The following FAM53B variants were observed in gnomAD, a reference collection of about 807,000 sequenced individuals.
The protein encoded by FAM53B is protein FAM53B.
Under a neutral mutation model 32.7 loss-of-function variants are expected in FAM53B, and 12 were observed. The ratio of observed to expected loss-of-function variants is 0.37; its 90% CI spans 0.24 to 0.59. The LOEUF is 0.59. FAM53B is among the 20% of genes least tolerant of loss of function. The probability of loss-of-function intolerance (pLI) is 0.72; values close to 1 mark genes in which losing one functional copy is unlikely to be tolerated. For missense variants in FAM53B, 477 were observed against 577.7 expected, an observed-to-expected ratio of 0.83 and a Z score of 1.79; for synonymous variants, 234 against 228.7, an observed-to-expected ratio of 1.02 and a Z score of -0.21.
At chr10:124,710,626 C>T (rs1443405136) in intron 1 of FAM53B, among the ~76,000 whole-genome samples, 1 of 152,204 alleles carries the variant, frequency 6.6e-6, no homozygotes, top group Non-Finnish European at 1.5e-5. Context: ...CCACAGGGCG[C>T]GAGGTGGAAG....
At chr10:124,741,397 C>CA (rs1489845325) in intron 1 of FAM53B, among the ~76,000 whole-genome samples, 1 of 152,344 alleles carries the variant, frequency 6.6e-6, no homozygotes, top group Non-Finnish European at 1.5e-5. Context: ...GCCCAGAACT[C>CA]AGTCTTCAGG....
At chr10:124,710,903 C>G (rs564961296) in intron 1 of FAM53B, among the ~76,000 whole-genome samples, 1 of 152,186 alleles carries the variant, frequency 6.6e-6, no homozygotes, top group African/African-American at 2.4e-5. Flanking sequence ...CATGCCTCAC[C>G]TCTCCATCCC....
intron 4 of FAM53B, among the ~76,000 whole-genome samples, chr10:124,670,283 C>T (rs187510863): frequency 4.1e-4 from 62 of 152,270 alleles, no homozygotes; most frequent in Admixed American, 1.2e-3. Flanking sequence ...GCCTTCTTGC[C>T]GTGACCTCCT....
rs1414341366 is a variant in FAM53B, at chr10:124,651,024, G to A, written c.907-27420C>T. ...GAATTAGCCACGCCAGACACTGGGA[G>A]CCCCCCAATCTCCCTTCAGAGGCCA... On this transcript the variant is annotated intron_variant, in intron 4 of 4. Coordinates refer to ENST00000337318, the MANE Select transcript of FAM53B (RefSeq NM_014661.4). The surrounding 1 kb of genome is among the most constrained non-coding windows in gnomAD (Gnocchi z 5.2). Among the ~76,000 whole-genome samples the A allele has an allele frequency of 6.6e-6, 1 of 151,800 alleles. No homozygotes were observed. The highest frequency in any genetic ancestry group is 1.5e-5 in the Non-Finnish European group (1 of 67,974).
chr10:124,699,507 T>C (rs1949899488), intron 2 of FAM53B, among the ~76,000 whole-genome samples: 1 of 152,222 alleles, frequency 6.6e-6, no homozygotes, highest in Non-Finnish European at 1.5e-5. Flanking sequence ...GAACCAGCAA[T>C]GGTGCACACT....
intron 1 of FAM53B, among the ~76,000 whole-genome samples, chr10:124,724,554 G>A (rs1416316115): frequency 3.9e-5 from 6 of 152,210 alleles, no homozygotes; most frequent in Non-Finnish European, 5.9e-5. Context: ...CTATGGGGGC[G>A]GGGTAGGGGG....
intron 1 of FAM53B, among the ~76,000 whole-genome samples, chr10:124,740,688 A>C (rs1236833088): frequency 6.6e-6 from 1 of 152,206 alleles, no homozygotes; most frequent in Non-Finnish European, 1.5e-5. Flanking sequence ...TGATTTTTGG[A>C]AAGTGTATCC....
At chr10:124,741,090 T>C (rs1950196850) in intron 1 of FAM53B, among the ~76,000 whole-genome samples, 1 of 152,226 alleles carries the variant, frequency 6.6e-6, no homozygotes, top group East Asian at 1.9e-4. Flanking sequence ...CATCTATTAG[T>C]CTTCCCCTTG....
intron 4 of FAM53B, among the ~76,000 whole-genome samples, chr10:124,656,145 A>G (rs892190618): frequency 6.6e-6 from 1 of 152,226 alleles, no homozygotes; most frequent in Non-Finnish European, 1.5e-5. Flanking sequence ...GTACAAAGGA[A>G]ATGAGGAGGA....
intron 1 of FAM53B, among the ~76,000 whole-genome samples, chr10:124,723,657 G>A (rs1341440128): frequency 6.6e-6 from 1 of 152,226 alleles, no homozygotes; most frequent in East Asian, 1.9e-4. Flanking sequence ...AGGAGGAAGA[G>A]TCTTGCTGCA....
intron 1 of FAM53B, among the ~76,000 whole-genome samples, chr10:124,712,172 C>A (rs531557543): frequency 6.6e-6 from 1 of 152,132 alleles, no homozygotes; most frequent in African/African-American, 2.4e-5. Context: ...CTGGCCAACA[C>A]GGTGAAACCC....
chr10:124,689,272 G>C (rs12414017), intron 3 of FAM53B, among the ~76,000 whole-genome samples: 7,668 of 152,228 alleles, frequency 0.05, 237 homozygotes, highest in East Asian at 0.12. Flanking sequence ...ACATGGGGGT[G>C]GGGGGGACAC....
At position 124,620,812 on chromosome 10, in the gene FAM53B, CT is replaced by C. The variant is rs1213208433; in HGVS notation, c.*2429del. The C allele has an allele frequency of 3.3e-5, 5 of 152,456 alleles. No individual in the cohort carries two copies. Among genetic ancestry groups the C allele is most frequent in the Non-Finnish European group, 7.3e-5 (5 of 68,214 alleles). The allele number at this position is 152,456 out of a possible 1,614,324, so 9.4% of individuals were successfully genotyped here. A position where few individuals can be genotyped will look rare whatever the true frequency, so the allele number is the denominator to read the frequency against. On this transcript the variant is annotated 3_prime_UTR_variant, in exon 5 of 5. Coordinates refer to ENST00000337318, the MANE Select transcript of FAM53B (RefSeq NM_014661.4). ...AAGCAGAAGGGATAGCCACCATTTTCTCCCCTGACTGCTGCGTGGTGGGCAC... is the reference window on the plus strand; with the variant it reads ...AAGCAGAAGGGATAGCCACCATTTTCCCCCTGACTGCTGCGTGGTGGGCAC...
At chr10:124,650,696 G>A (rs1319823361) in intron 4 of FAM53B, among the ~76,000 whole-genome samples, 2 of 152,140 alleles carry the variant, frequency 1.3e-5, no homozygotes, top group Non-Finnish European at 2.9e-5. Flanking sequence ...GCCTCCCAGA[G>A]TGAGGCATTC....
At chr10:124,660,980 T>G (rs1370006423) in intron 4 of FAM53B, among the ~76,000 whole-genome samples, 1 of 147,390 alleles carries the variant, frequency 6.8e-6, no homozygotes, top group Non-Finnish European at 1.5e-5. Flanking sequence ...ACAGGTGCAC[T>G]AAAATCTCAG....
Position 124,692,411 on chromosome 10 carries a change from A to G in FAM53B, c.133+3747T>C, listed in dbSNP as rs567185442. On this transcript the variant is annotated intron_variant, in intron 3 of 4. Transcript: ENST00000337318. ...TGAAGTGCTTTTAATTAAAATAAATAAATAAATAAATAAAAAGCATAGGCC... is the reference window on the plus strand; with the variant it reads ...TGAAGTGCTTTTAATTAAAATAAATGAATAAATAAATAAAAAGCATAGGCC... 7.2e-5 allele frequency among the ~76,000 whole-genome samples: 11 copies of G among 152,260 alleles called. No homozygotes were observed. The East Asian group carries it at 1.5e-3, about 21-fold the overall frequency.
chr10:124,736,127 C>T (rs1176286030), intron 1 of FAM53B, among the ~76,000 whole-genome samples: 1 of 152,262 alleles, frequency 6.6e-6, no homozygotes, highest in Non-Finnish European at 1.5e-5. Flanking sequence ...GGCACTACGC[C>T]CATTGCAAGG....
intron 1 of FAM53B, among the ~76,000 whole-genome samples, chr10:124,716,155 T>C (rs1950037328): frequency 6.6e-6 from 1 of 152,152 alleles, no homozygotes; most frequent in Non-Finnish European, 1.5e-5. Flanking sequence ...CACAGGAAGG[T>C]GTGTCCTCAG....
Position 124,744,231 on chromosome 10 carries a change from C to CCCGCCG in FAM53B, c.-399_-394dup, listed in dbSNP as rs913582229. 6.8e-6 allele frequency: 1 copy of CCCGCCG among 146,966 alleles called. No individual in the cohort carries two copies. The highest frequency in any genetic ancestry group is 1.5e-5 in the Non-Finnish European group (1 of 66,042). The allele number at this position is 146,966 out of a possible 1,614,324, so 9.1% of individuals were successfully genotyped here. A position where few individuals can be genotyped will look rare whatever the true frequency, so the allele number is the denominator to read the frequency against. ...ACCGGCACCGGCCAGGCCGCCCGCA[C>CCCGCCG]CCGCCGCCGCCGCGGAGCCGCCAGA... On this transcript the variant is annotated 5_prime_UTR_variant, in exon 1 of 5. Transcript: ENST00000337318.
Sources: allele counts gnomAD v4.1 joint callset (sites outside exome capture counted in the v4.1 genomes callset), GRCh38; gene constraint gnomAD v4.1.1; non-coding constraint Gnocchi (gnomAD v3.1); transcripts MANE v1.5; gene names NCBI Gene and HGNC (gene_info 2026-07-23, HGNC 2026-07-21).